Variants in SHANK2 observed in about 807,000 individuals in gnomAD.
SHANK2 encodes SH3 and multiple ankyrin repeat domains 2.
A neutral mutation model predicts 133.7 loss-of-function variants in SHANK2; 43 were observed. The observed-to-expected ratio is 0.32, with a 90% confidence interval of 0.25 to 0.41. SHANK2 has a LOEUF of 0.41. SHANK2 is among the 10% of genes least tolerant of loss of function. The probability of loss-of-function intolerance (pLI) is 1.00; values close to 1 mark genes in which losing one functional copy is unlikely to be tolerated. For missense variants in SHANK2, 1,994 were observed against 2,235.8 expected (o/e 0.89, Z 2.18); for synonymous variants, 1,017 against 952.8 (o/e 1.07, Z -1.24).
chr11:70,826,586 C>G (rs1467405561), intron 11 of SHANK2: 12 of 469,934 alleles, frequency 2.6e-5, no homozygotes, highest in Non-Finnish European at 4.4e-5. Context: ...CCCGGCCCCT[C>G]GGTGCTAGAG....
chr11:70,729,810 G>T (rs1477423805), intron 14 of SHANK2, among the ~76,000 whole-genome samples: 1 of 151,238 alleles, frequency 6.6e-6, no homozygotes, highest in Non-Finnish European at 1.5e-5. Context: ...TGGGATTACA[G>T]GCTTGAGCCA....
At chr11:70,808,743 A>G (rs7479452) in intron 12 of SHANK2, among the ~76,000 whole-genome samples, 43,719 of 151,604 alleles carry the variant, frequency 0.29, 6,638 homozygotes, top group African/African-American at 0.38. Flanking sequence ...TCAAAAAAAC[A>G]AAAACAAACA....
chr11:70,949,611 G>T (rs191529725), intron 10 of SHANK2, among the ~76,000 whole-genome samples: 1 of 152,314 alleles, frequency 6.6e-6, no homozygotes, highest in Non-Finnish European at 1.5e-5. Flanking sequence ...CAAGCCTCAC[G>T]GTTGGAGTGT....
chr11:70,952,613 C>G (rs994611517), intron 10 of SHANK2: 29 of 253,626 alleles, frequency 1.1e-4, no homozygotes, highest in South Asian at 6.6e-4. Context: ...TATGCCGTGG[C>G]TTTTCTGTGT....
intron 11 of SHANK2, among the ~76,000 whole-genome samples, chr11:70,869,607 C>T (rs546858390): frequency 5.3e-4 from 80 of 152,284 alleles, no homozygotes; most frequent in African/African-American, 1.6e-3. Flanking sequence ...AGCTCCTGAC[C>T]GTCCACAGCA....
intron 14 of SHANK2, among the ~76,000 whole-genome samples, chr11:70,761,008 T>C (rs1303391213): frequency 6.6e-6 from 1 of 152,134 alleles, no homozygotes; most frequent in African/African-American, 2.4e-5. Flanking sequence ...AGGTGCCGGC[T>C]TTCCAGGCTG....
chr11:70,671,918 T>C (rs2134333652), intron 15 of SHANK2, among the ~76,000 whole-genome samples: 1 of 152,278 alleles, frequency 6.6e-6, no homozygotes, highest in Non-Finnish European at 1.5e-5. Context: ...ACAGCCAACC[T>C]GTCTGCAAGT....
chr11:70,807,313 T>A lies in SHANK2; in HGVS notation c.1494-142A>T, dbSNP rs1378598204. The stretch of plus-strand genomic sequence containing the variant: ...GAACTCCTGATGCCAGACAGGAAGA[T>A]GGGAACAGGCCGGGGCAGCACTGTG... On this transcript the variant is annotated intron_variant, in intron 12 of 25. Transcript: ENST00000601538. The surrounding 1 kb of genome is among the most constrained non-coding windows in gnomAD (Gnocchi z 4.8). 10 of 640,974 alleles carry A rather than the reference T, an allele frequency of 1.6e-5. No individual in the cohort carries two copies. In the African/African-American group the frequency reaches 1.8e-4, roughly 12 times the overall value. 39.7% of individuals were successfully genotyped at this position (640,974 alleles called of 1,614,324 possible).
chr11:71,145,408 G>C (rs1447100539), intron 3 of SHANK2, among the ~76,000 whole-genome samples: 1 of 152,266 alleles, frequency 6.6e-6, no homozygotes, highest in African/African-American at 2.4e-5. Flanking sequence ...TGGCCCACGG[G>C]CCTTGGGTTG....
chr11:71,170,190 C>A (rs1435042387), intron 2 of SHANK2, among the ~76,000 whole-genome samples: 1 of 151,972 alleles, frequency 6.6e-6, no homozygotes, highest in African/African-American at 2.4e-5. Context: ...CTGTATTAGT[C>A]CATTTTCATA....
intron 11 of SHANK2, among the ~76,000 whole-genome samples, chr11:70,861,057 G>A (rs1949251246): frequency 6.6e-6 from 1 of 152,182 alleles, no homozygotes. Context: ...CCTTGTGGGA[G>A]GGAAGCATTC....
In SHANK2 at chr11:70,807,036, G is replaced by A. The variant is rs879947671; in HGVS notation, c.1629C>T (p.Gly543=). Residue 543 remains glycine, a synonymous_variant, in exon 13 of 26, where the codon GGC becomes GGT. Transcript: ENST00000601538. This position sits in a 1 kb window ranked among gnomAD's most constrained non-coding sequence, Gnocchi z 4.8. ...AVKPYQPQVD[G]EIPLHRGDRV... is the part of the protein sequence containing the mutation. ...TGTCACCGCGGTGAAGGGGGATCTC[G>A]CCGTCCACTTGGGGTTGGTATGGCT... 9.8e-6 allele frequency: 7 copies of A among 717,800 alleles called. No individual in the cohort carries two copies. In the Admixed American group the frequency reaches 1.0e-4, roughly 10 times the overall value. 44.5% of individuals were successfully genotyped at this position (717,800 alleles called of 1,614,324 possible). A position where few individuals can be genotyped will look rare whatever the true frequency, so the allele number is the denominator to read the frequency against.
chr11:70,718,166 C>T (rs1253286558), intron 14 of SHANK2, among the ~76,000 whole-genome samples: 1 of 152,228 alleles, frequency 6.6e-6, no homozygotes, highest in Non-Finnish European at 1.5e-5. Context: ...GGCAGTGATT[C>T]AACCCGGCTA....
intron 6 of SHANK2, among the ~76,000 whole-genome samples, chr11:71,107,646 A>C (rs1555098194): frequency 6.6e-6 from 1 of 152,166 alleles, no homozygotes; most frequent in African/African-American, 2.4e-5. Flanking sequence ...TTGCTCTGGC[A>C]CCAGCCTAAT....
rs1555153679 is a variant in SHANK2 at position 70,486,528 on chromosome 11, G to A, written c.3765C>T (p.Pro1255=). ...CCGTAGGGAAGCCGGCATCCAGGCT[G>A]GGCCGCATTTTGGTATCAATGTAAA... The part of the protein sequence containing the change: ...KPLYIDTKMR[P]SLDAGFPTVT... The change falls in exon 25 of 26, where the codon CCC becomes CCT. Residue 1255 remains proline, a synonymous_variant. Transcript: ENST00000601538. The surrounding 1 kb of genome is among the most constrained non-coding windows in gnomAD (Gnocchi z 8.0). 3.1e-6 allele frequency: 5 copies of A among 1,614,164 alleles called. No homozygotes were observed. Among genetic ancestry groups the A allele is most frequent in the African/African-American group, 1.3e-5 (1 of 75,054 alleles).
chr11:70,713,593 A>G (rs1467374800), intron 14 of SHANK2, among the ~76,000 whole-genome samples: 1 of 152,194 alleles, frequency 6.6e-6, no homozygotes, highest in Non-Finnish European at 1.5e-5. Context: ...TCGGAAAGCC[A>G]GGGTGAGGTG....
intron 15 of SHANK2, among the ~76,000 whole-genome samples, chr11:70,674,186 C>T (rs1288678139): frequency 3.3e-5 from 5 of 152,168 alleles, no homozygotes; most frequent in African/African-American, 1.2e-4. Context: ...CTTCCTGAAG[C>T]TCTCACCAGA....
intron 25 of SHANK2, among the ~76,000 whole-genome samples, chr11:70,478,007 G>T (rs574193162): frequency 6.6e-6 from 1 of 152,148 alleles, no homozygotes; most frequent in East Asian, 1.9e-4. Context: ...GGTCACCACT[G>T]TCTACCCTGC....
intron 2 of SHANK2, among the ~76,000 whole-genome samples, chr11:71,194,801 C>T (rs1213007649): frequency 6.6e-6 from 1 of 152,196 alleles, no homozygotes; most frequent in Non-Finnish European, 1.5e-5. Flanking sequence ...ACAGCAGGAC[C>T]CAGCCCTCTG....
Sources: allele counts gnomAD v4.1 joint callset (sites outside exome capture counted in the v4.1 genomes callset), GRCh38; gene constraint gnomAD v4.1.1; non-coding constraint Gnocchi (gnomAD v3.1); transcripts MANE v1.5; gene names NCBI Gene and HGNC (gene_info 2026-07-23, HGNC 2026-07-21).